Variants in TRPM8 observed in about 807,000 individuals in gnomAD.
The protein encoded by TRPM8 is transient receptor potential cation channel subfamily M member 8.
Under a neutral mutation model 133.7 loss-of-function variants are expected in TRPM8, and 110 were observed. The ratio of observed to expected loss-of-function variants is 0.82; its 90% confidence interval spans 0.70 to 0.96. TRPM8 has a LOEUF of 0.96. TRPM8 is among the 40% of genes least tolerant of loss of function. The pLI is 0.00. For missense variants in TRPM8, 1,291 were observed against 1,379.5 expected (o/e 0.94, Z 1.02); for synonymous variants, 535 against 532.3 (o/e 1.01, Z -0.07).
At position 233,949,995 on chromosome 2, in the gene TRPM8, A is replaced by G. The variant is rs1490117323; in HGVS notation, c.989A>G (p.Glu330Gly). ...IKNKIPCVVV[E>G]GSGQIADVIA... ...AATAAAATTCCTTGTGTGGTGGTGG[A>G]AGGCTCGGGCCAGATCGCTGATGTG... The change falls in exon 9 of 26, where the codon GAA becomes GGA. Residue 330 changes from glutamate (E) to glycine (G), a missense_variant. Coordinates refer to ENST00000324695, the MANE Select transcript of TRPM8 (RefSeq NM_024080.5). 6.2e-7 allele frequency: 1 copy of G among 1,614,162 alleles called. No individual in the cohort carries two copies. Among genetic ancestry groups the G allele is most frequent in the Non-Finnish European group, 8.5e-7 (1 of 1,180,034 alleles).
intron 22 of TRPM8, among the ~76,000 whole-genome samples, chr2:233,999,012 T>C (rs1167495712): frequency 6.6e-6 from 1 of 152,148 alleles, no homozygotes; most frequent in Non-Finnish European, 1.5e-5. Flanking sequence ...TCAGTTTCCT[T>C]CTTGTGAAAA....
chr2:233,944,700 G>C (rs2125111014), intron 6 of TRPM8, among the ~76,000 whole-genome samples: 1 of 152,258 alleles, frequency 6.6e-6, no homozygotes, highest in South Asian at 2.1e-4. Flanking sequence ...CAATATGTCA[G>C]TATGGCCAAA....
chr2:233,951,442 C>T (rs1237373732), intron 9 of TRPM8, among the ~76,000 whole-genome samples: 1 of 152,044 alleles, frequency 6.6e-6, no homozygotes, highest in Non-Finnish European at 1.5e-5. Flanking sequence ...CAAAGATGGC[C>T]CCAGGTCCAC....
rs755359904 is a variant in TRPM8, at chr2:233,966,624, T to G, written c.1894T>G (p.Cys632Gly). 6.2e-6 allele frequency: 10 copies of G among 1,613,882 alleles called. No homozygotes were observed. Among genetic ancestry groups the G allele is most frequent in the Non-Finnish European group, 8.5e-6 (10 of 1,180,008 alleles). The change falls in exon 15 of 26, where the codon TGT becomes GGT. Residue 632 changes from cysteine to glycine, a missense_variant. Transcript: ENST00000324695. ...TGTCGCTGTAGAGCTGTTCACTGAG[T>G]GTTACAGCAGCGATGAAGACTTGGC... ...ETRAVELFTE[C>G]YSSDEDLAEQ...
chr2:233,985,704 T>C lies in TRPM8; in HGVS notation c.2778T>C (p.Phe926=), dbSNP rs140030961. The C allele has an allele frequency of 6.2e-7, 1 of 1,614,036 alleles. No homozygotes were observed. Among genetic ancestry groups the C allele is most frequent in the African/African-American group, 1.3e-5 (1 of 74,950 alleles). Residue 926 remains phenylalanine (F), a synonymous_variant, in exon 21 of 26, where the codon TTT becomes TTC. Transcript: ENST00000324695. ...PSDVDGTTYD[F]AHCTFTGNES... ...CATCCTCAGGTACCACGTATGACTT[T>C]GCCCACTGCACCTTCACTGGGAATG...
intron 1 of TRPM8, among the ~76,000 whole-genome samples, chr2:233,920,934 G>A (rs987301954): frequency 1.3e-5 from 2 of 148,328 alleles, no homozygotes; most frequent in Middle Eastern, 3.6e-3. Flanking sequence ...TTGGCTCACC[G>A]CAACCTCCGC....
chr2:234,006,987 C>G (rs769196566), intron 23 of TRPM8, 35 bp downstream of exon 23: 2 of 1,521,926 alleles, frequency 1.3e-6, no homozygotes, highest in South Asian at 1.1e-5. Flanking sequence ...TTGCAAGGCT[C>G]CCTCTGTAGA....
intron 3 of TRPM8, 27 bp from the exon 4 acceptor site, chr2:233,937,326 T>C (rs1690777765): frequency 6.2e-7 from 1 of 1,612,346 alleles, no homozygotes; most frequent in Non-Finnish European, 8.5e-7. Flanking sequence ...AATCCTTCCT[T>C]CCTGTCCACA....
chr2:233,997,304 G>T (rs899061188), intron 22 of TRPM8, among the ~76,000 whole-genome samples: 1 of 152,152 alleles, frequency 6.6e-6, no homozygotes, highest in Non-Finnish European at 1.5e-5. Context: ...ATAGGAACGT[G>T]CAGTTCAATA....
At chr2:233,991,617 A>T (rs144253973) in intron 21 of TRPM8, among the ~76,000 whole-genome samples, 1 of 152,190 alleles carries the variant, frequency 6.6e-6, no homozygotes, top group Non-Finnish European at 1.5e-5. Flanking sequence ...ATTTCAGTGT[A>T]TTTGAAAATT....
chr2:233,955,554 T>C (rs2125149779), intron 11 of TRPM8: 1 of 217,612 alleles, frequency 4.6e-6, no homozygotes, highest in Non-Finnish European at 9.1e-6. Context: ...CAGATCTCCT[T>C]CTGGATGTGT....
chr2:234,012,154 G>GTT (rs34984521), intron 24 of TRPM8, among the ~76,000 whole-genome samples: 2,493 of 140,480 alleles, frequency 0.018, 51 homozygotes, highest in African/African-American at 0.046. Flanking sequence ...AGTTCTAACA[G>GTT]TTTTTTTTTT....
rs377234634 is a variant in TRPM8 at position 233,985,211 on chromosome 2, T to C, written c.2762-477T>C. Among the ~76,000 whole-genome samples, 5 of 152,238 alleles carry C rather than the reference T, an allele frequency of 3.3e-5. No homozygotes were observed. In the East Asian group the frequency reaches 9.6e-4, roughly 29 times the overall value. On this transcript the variant is annotated intron_variant, in intron 20 of 25. Coordinates refer to ENST00000324695, the MANE Select transcript of TRPM8 (RefSeq NM_024080.5). ...ATGCTGTTGCCTCTGTGGGGTGCTC[T>C]AGGCTCCCAACCTCCCCATTAGTTC...
intron 17 of TRPM8, among the ~76,000 whole-genome samples, chr2:233,974,119 C>G (rs1691803750): frequency 6.6e-6 from 1 of 152,230 alleles, no homozygotes; most frequent in Non-Finnish European, 1.5e-5. Context: ...CCAACACCCC[C>G]TACCTCTCAT....
At chr2:233,979,789 C>T (rs1691960565) in intron 17 of TRPM8, among the ~76,000 whole-genome samples, 1 of 152,150 alleles carries the variant, frequency 6.6e-6, no homozygotes, top group African/African-American at 2.4e-5. Flanking sequence ...AGTAATGACA[C>T]AAATCTATGA....
intron 11 of TRPM8, among the ~76,000 whole-genome samples, chr2:233,959,699 T>G (rs1473195386): frequency 6.6e-6 from 1 of 152,140 alleles, no homozygotes; most frequent in Non-Finnish European, 1.5e-5. Flanking sequence ...GGAATAAAAT[T>G]GTAAGAAATG....
intron 17 of TRPM8, among the ~76,000 whole-genome samples, chr2:233,976,685 C>G (rs890610418): frequency 7.2e-5 from 11 of 152,118 alleles, no homozygotes; most frequent in African/African-American, 2.7e-4. Flanking sequence ...TTTAACTCAG[C>G]AATCCTGGGT....
chr2:233,940,468 A>G (rs1690878618), intron 5 of TRPM8, among the ~76,000 whole-genome samples: 1 of 152,122 alleles, frequency 6.6e-6, no homozygotes, highest in Non-Finnish European at 1.5e-5. Flanking sequence ...TTAAACATAC[A>G]CTTATTGGAT....
In TRPM8 at chr2:233,989,431, C is replaced by G. The variant is rs1286803519; in HGVS notation, c.2939+3566C>G. ...TGCAACATCCCTGTCCTTGGGGAAC[C>G]TCCTCGATTAGCTCCGGCTTAAACC... On this transcript the variant is annotated intron_variant, in intron 21 of 25. Coordinates refer to ENST00000324695, the MANE Select transcript of TRPM8 (RefSeq NM_024080.5). The surrounding 1 kb of genome is among the most constrained non-coding windows in gnomAD (Gnocchi z 4.2). Among the ~76,000 whole-genome samples the G allele has an allele frequency of 6.6e-6, 1 of 152,242 alleles. No individual in the cohort carries two copies. The highest frequency in any genetic ancestry group is 1.5e-5 in the Non-Finnish European group (1 of 68,044).
Sources: allele counts gnomAD v4.1 joint callset (sites outside exome capture counted in the v4.1 genomes callset), GRCh38; gene constraint gnomAD v4.1.1; non-coding constraint Gnocchi (gnomAD v3.1); transcripts MANE v1.5; gene names NCBI Gene and HGNC (gene_info 2026-07-23, HGNC 2026-07-21).